Variants in MCMBP observed in about 807,000 individuals in gnomAD.
MCMBP encodes the protein minichromosome maintenance complex binding protein.
Under a neutral mutation model 81.3 loss-of-function variants are expected in MCMBP, and 31 were observed. That is an observed-to-expected ratio of 0.38 (90% confidence interval 0.29 to 0.51). MCMBP has a LOEUF of 0.51. Ranked by LOEUF, MCMBP falls within the 20% of genes least tolerant of loss-of-function variation. MCMBP has a pLI of 0.87. For missense variants in MCMBP, 645 were observed against 772.1 expected, an observed-to-expected ratio of 0.84 and a Z score of 1.95; for synonymous variants, 267 against 275.9, an observed-to-expected ratio of 0.97 and a Z score of 0.32.
At chr10:119,853,956 T>C (rs1034212189) in intron 5 of MCMBP, among the ~76,000 whole-genome samples, 10 of 152,104 alleles carry the variant, frequency 6.6e-5, no homozygotes, top group African/African-American at 2.4e-4. Flanking sequence ...ATCCAACACT[T>C]TGGGAGGCTC....
At chr10:119,838,452 A>G (rs1474485061) in intron 12 of MCMBP, 83 bp downstream of exon 12, 3 of 1,349,438 alleles carry the variant, frequency 2.2e-6, no homozygotes, top group East Asian at 4.7e-5. Flanking sequence ...ATTTGTCCAT[A>G]GATACTCTTC....
intron 6 of MCMBP, among the ~76,000 whole-genome samples, chr10:119,849,791 C>CT (rs971543871): frequency 6.6e-6 from 1 of 151,312 alleles, no homozygotes; most frequent in African/African-American, 2.5e-5. Flanking sequence ...AAAAATTTTA[C>CT]TTTTTTTTCC....
chr10:119,851,800 G>A (rs747405650), intron 6 of MCMBP, among the ~76,000 whole-genome samples: 2 of 152,136 alleles, frequency 1.3e-5, no homozygotes, highest in Non-Finnish European at 2.9e-5. Flanking sequence ...AATTTATAAA[G>A]TAGAGTAATA....
At chr10:119,867,402 T>C (rs977023534) in intron 1 of MCMBP, among the ~76,000 whole-genome samples, 11 of 151,394 alleles carry the variant, frequency 7.3e-5, no homozygotes, top group African/African-American at 2.7e-4. Flanking sequence ...CATGTGTAAG[T>C]TATTATAACT....
At chr10:119,868,269 T>C (rs949386974) in intron 1 of MCMBP, among the ~76,000 whole-genome samples, 2 of 151,920 alleles carry the variant, frequency 1.3e-5, no homozygotes, top group African/African-American at 2.4e-5. Context: ...CTATTAAAAA[T>C]AGAAAAATTA....
Position 119,838,701 on chromosome 10 carries a change from C to A in MCMBP, c.1243-1G>T. Reference sequence around the variant, plus strand: ...CTATAGTCATCTGCAGACGAAAAGACTGCAAAGAGAAATTTTTTAGTGAAC... The same window carrying A: ...CTATAGTCATCTGCAGACGAAAAGAATGCAAAGAGAAATTTTTTAGTGAAC... On this transcript the variant is annotated splice_acceptor_variant, in intron 11 of 15. Transcript: ENST00000369077. LOFTEE classifies it high-confidence loss of function. 1 of 1,591,582 alleles carries A rather than the reference C, an allele frequency of 6.3e-7. No homozygotes were observed. The highest frequency in any genetic ancestry group is 1.1e-5 in the South Asian group (1 of 88,300).
chr10:119,871,343 ATT>A (rs1158096426), intron 1 of MCMBP, among the ~76,000 whole-genome samples: 1 of 145,484 alleles, frequency 6.9e-6, no homozygotes, highest in African/African-American at 2.5e-5. Context: ...TATATAGTGA[ATT>A]TTTTTTTTTT....
Position 119,858,925 on chromosome 10 carries a change from C to G in MCMBP, c.286G>C (p.Val96Leu). The change falls in exon 4 of 16, where the codon GTT becomes CTT. Residue 96 changes from valine to leucine, a missense_variant and splice_region_variant. Coordinates refer to ENST00000369077, the MANE Select transcript of MCMBP (RefSeq NM_001256378.2). ...TCTCTATATTTTCCAAAATGAAGAACCTATGACCCCAAACATAGAAAAACA... is the reference window on the plus strand; with the variant it reads ...TCTCTATATTTTCCAAAATGAAGAAGCTATGACCCCAAACATAGAAAAACA... ...ETVNQNTKAH[V>L]LHFGKYRDVA... The G allele has an allele frequency of 6.2e-7, 1 of 1,612,290 alleles. No individual in the cohort carries two copies. The highest frequency in any genetic ancestry group is 1.3e-5 in the African/African-American group (1 of 74,910).
chr10:119,831,606 T>G lies in MCMBP; in HGVS notation c.1797-6A>C, dbSNP rs1852038358. 1.2e-6 allele frequency: 2 copies of G among 1,609,826 alleles called. No homozygotes were observed. The highest frequency in any genetic ancestry group is 2.7e-5 in the African/African-American group (2 of 74,724). ...CAGCACTGAGAGACAGACACCTGGT[T>G]TGAAACACAGAAACAAATTTAAGTC... On this transcript the variant is annotated splice_region_variant and splice_polypyrimidine_tract_variant and intron_variant, in intron 15 of 15. Coordinates refer to ENST00000369077, the MANE Select transcript of MCMBP (RefSeq NM_001256378.2).
Position 119,857,394 on chromosome 10 carries a change from C to G in MCMBP, c.373G>C (p.Glu125Gln), listed in dbSNP as rs1428527303. The change falls in exon 5 of 16, where the codon GAA becomes CAA. Residue 125 changes from glutamate (E) to glutamine (Q), a missense_variant. Transcript: ENST00000369077. ...DLNSPRNTTL[E>Q]RQTFYCVPVP... ...GGAACACAATAGAAAGTCTGTCTTTCCAAAGTGGTATTTCGTGGAGAGTTT... is the reference window on the plus strand; with the variant it reads ...GGAACACAATAGAAAGTCTGTCTTTGCAAAGTGGTATTTCGTGGAGAGTTT... 1 of 1,611,600 alleles carries G rather than the reference C, an allele frequency of 6.2e-7. No homozygotes were observed. Among genetic ancestry groups the G allele is most frequent in the Non-Finnish European group, 8.5e-7 (1 of 1,178,336 alleles).
Position 119,842,534 on chromosome 10 carries a change from A to G in MCMBP, c.1062T>C (p.Thr354=). Residue 354 remains threonine (T), a synonymous_variant, in exon 10 of 16, where the codon ACT becomes ACC. Coordinates refer to ENST00000369077, the MANE Select transcript of MCMBP (RefSeq NM_001256378.2). ...PVRAELLGFL[T]HALLGDSLAA... is the part of the protein sequence containing the mutation. Reference sequence around the variant, plus strand: ...CCAAACTATCCCCCAGAAGGGCATGAGTAAGGAACCCAAGAAGTTCTGCTC... The same window carrying G: ...CCAAACTATCCCCCAGAAGGGCATGGGTAAGGAACCCAAGAAGTTCTGCTC... 6.2e-7 allele frequency: 1 copy of G among 1,613,992 alleles called. No individual in the cohort carries two copies. Among genetic ancestry groups the G allele is most frequent in the Non-Finnish European group, 8.5e-7 (1 of 1,179,890 alleles).
chr10:119,852,610 C>T (rs187114151), intron 6 of MCMBP, among the ~76,000 whole-genome samples: 44 of 152,236 alleles, frequency 2.9e-4, no homozygotes, highest in African/African-American at 9.9e-4. Context: ...CCCAGGAGGT[C>T]AAGGCTACAA....
intron 14 of MCMBP, among the ~76,000 whole-genome samples, chr10:119,835,185 CAA>C (rs1852195527): frequency 6.6e-6 from 1 of 152,104 alleles, no homozygotes; most frequent in African/African-American, 2.4e-5. Flanking sequence ...TATAAAGGGG[CAA>C]AGTCTTTGTA....
chr10:119,869,296 C>T (rs1017218239), intron 1 of MCMBP, among the ~76,000 whole-genome samples: 6 of 151,924 alleles, frequency 3.9e-5, no homozygotes, highest in Middle Eastern at 3.2e-3. Context: ...ATTAGCGGCT[C>T]GGTGTGGTGG....
At chr10:119,834,291 T>C (rs1384952140) in intron 14 of MCMBP, among the ~76,000 whole-genome samples, 1 of 152,144 alleles carries the variant, frequency 6.6e-6, no homozygotes, top group East Asian at 1.9e-4. Context: ...CATAGACACA[T>C]CATAATCGAA....
intron 9 of MCMBP, 126 bp from the exon 10 acceptor site, chr10:119,842,721 GT>G (rs1031954896): frequency 2.0e-4 from 193 of 973,756 alleles, no homozygotes; most frequent in Non-Finnish European, 2.6e-4. Context: ...TAACATATCC[GT>G]CAGTAAGTGA....
At position 119,842,352 on chromosome 10, in the gene MCMBP, A is replaced by G; in HGVS notation, c.1124+120T>C. On this transcript the variant is annotated intron_variant, in intron 10 of 15. Coordinates refer to ENST00000369077, the MANE Select transcript of MCMBP (RefSeq NM_001256378.2). Reference sequence around the variant, plus strand: ...TGGTATAACAGTTAACACTGGACAGATAAAAACCATGTGATGAAGCCCAAT... The same window carrying G: ...TGGTATAACAGTTAACACTGGACAGGTAAAAACCATGTGATGAAGCCCAAT... The G allele has an allele frequency of 3.5e-6, 4 of 1,155,852 alleles. No individual in the cohort carries two copies. The South Asian group carries it at 6.1e-5, about 18-fold the overall frequency. The allele number at this position is 1,155,852 out of a possible 1,614,324, so 71.6% of individuals were successfully genotyped here.
intron 12 of MCMBP, among the ~76,000 whole-genome samples, 172 bp from the exon 13 acceptor site, chr10:119,837,201 T>C (rs999997910): frequency 3.9e-5 from 6 of 152,148 alleles, no homozygotes; most frequent in Non-Finnish European, 2.9e-5. Flanking sequence ...TACAACAGTC[T>C]TGGTCAAGGT....
rs1026995967 is a variant in MCMBP at position 119,852,670 on chromosome 10, C to A, written c.574+380G>T. On this transcript the variant is annotated intron_variant, in intron 6 of 15. Transcript: ENST00000369077. ...TCTAGCCTGGGTGATGGGAGTGAAA[C>A]CCTGTCTCAAAACACAAACAAACAA... 3.9e-5 allele frequency among the ~76,000 whole-genome samples: 6 copies of A among 152,208 alleles called. No homozygotes were observed. The East Asian group carries it at 7.7e-4, about 20-fold the overall frequency.
Sources: gnomAD v4.1 joint callset for allele counts (sites outside exome capture counted in the v4.1 genomes callset) on GRCh38, gnomAD v4.1.1 for gene constraint, MANE v1.5 for transcripts, NCBI Gene and HGNC (gene_info 2026-07-23, HGNC 2026-07-21) for gene names.